The following CCDC30 variants were observed in gnomAD, a reference collection of about 807,000 sequenced individuals.
CCDC30 encodes the protein coiled-coil domain-containing protein 30.
CCDC30 carries 70 observed loss-of-function variants against 100.2 expected under a neutral mutation model. That is an observed-to-expected ratio of 0.70 (90% CI 0.58 to 0.85). CCDC30 has a LOEUF of 0.85. Ranked by LOEUF, CCDC30 falls within the 40% of genes least tolerant of loss-of-function variation. The pLI is 0.00. For synonymous variants in CCDC30, 233 were observed against 269.5 expected, an observed-to-expected ratio of 0.86 and a Z score of 1.33; for missense variants, 652 against 771.2, an observed-to-expected ratio of 0.85 and a Z score of 1.83.
chr1:42,494,830 G>A (rs1317065246), intron 4 of CCDC30, among the ~76,000 whole-genome samples: 1 of 100,452 alleles, frequency 1.0e-5, no homozygotes, highest in African/African-American at 3.8e-5. Flanking sequence ...CAGTTAGAAT[G>A]GCAATCATTA....
At chr1:42,595,119 A>G (rs1210595087) in intron 10 of CCDC30, 2 of 152,178 alleles carry the variant, frequency 1.3e-5, no homozygotes, top group Non-Finnish European at 2.9e-5. Flanking sequence ...CTTGCTATAA[A>G]GTGATTTTCT....
chr1:42,653,106 AAAG>A (rs1233743113), intron 15 of CCDC30, among the ~76,000 whole-genome samples: 2 of 152,184 alleles, frequency 1.3e-5, no homozygotes, highest in Non-Finnish European at 2.9e-5. Flanking sequence ...TTATATAACA[AAAG>A]AAGCAAGGTG....
intron 7 of CCDC30, among the ~76,000 whole-genome samples, chr1:42,575,163 A>T (rs377059274): frequency 1.3e-5 from 2 of 152,196 alleles, no homozygotes; most frequent in Non-Finnish European, 2.9e-5. Context: ...GAGACCAGGG[A>T]ATTCTATTTA....
At chr1:42,573,604 G>GC (rs1396915769) in intron 7 of CCDC30, among the ~76,000 whole-genome samples, 2 of 151,660 alleles carry the variant, frequency 1.3e-5, no homozygotes, top group Non-Finnish European at 2.9e-5. Context: ...CTGTTTACTG[G>GC]CTACCACAGT....
chr1:42,516,407 A>G (rs12042621), intron 6 of CCDC30, among the ~76,000 whole-genome samples: 57,609 of 151,414 alleles, frequency 0.38, 11,413 homozygotes, highest in East Asian at 0.59. Flanking sequence ...CTTCCTGTGG[A>G]GGTGAGTCTT....
At chr1:42,611,830 G>A (rs1332135930) in intron 11 of CCDC30, among the ~76,000 whole-genome samples, 1 of 151,978 alleles carries the variant, frequency 6.6e-6, no homozygotes, top group Admixed American at 6.6e-5. Context: ...TCATGTACAG[G>A]CTCACCCAGC....
At chr1:42,517,511 T>C (rs1192286552) in intron 6 of CCDC30, among the ~76,000 whole-genome samples, 2 of 152,208 alleles carry the variant, frequency 1.3e-5, no homozygotes, top group Non-Finnish European at 2.9e-5. Context: ...TCATGGAGAG[T>C]TCCCCCTAAG....
At chr1:42,616,961 A>G (rs1646737977) in intron 11 of CCDC30, among the ~76,000 whole-genome samples, 1 of 152,078 alleles carries the variant, frequency 6.6e-6, no homozygotes, top group African/African-American at 2.4e-5. Flanking sequence ...TGTGAATATT[A>G]GATAACAATG....
intron 9 of CCDC30, among the ~76,000 whole-genome samples, chr1:42,581,820 A>G (rs1645973651): frequency 6.6e-6 from 1 of 152,206 alleles, no homozygotes; most frequent in Non-Finnish European, 1.5e-5. Flanking sequence ...AATACTATGG[A>G]ATTTGCTCTG....
intron 6 of CCDC30, among the ~76,000 whole-genome samples, chr1:42,523,468 G>A (rs944538192): frequency 2.0e-5 from 3 of 152,060 alleles, no homozygotes; most frequent in Admixed American, 2.0e-4. Context: ...ATCTCATTGA[G>A]GATTCCTTGT....
intron 6 of CCDC30, chr1:42,510,205 ACT>A (rs937693101): frequency 1.4e-5 from 10 of 733,096 alleles, no homozygotes; most frequent in Non-Finnish European, 1.7e-5. Context: ...CTGTTTCTTT[ACT>A]CTCTCTATTT....
At chr1:42,637,946 A>G (rs1647191082) in intron 12 of CCDC30, among the ~76,000 whole-genome samples, 1 of 152,222 alleles carries the variant, frequency 6.6e-6, no homozygotes, top group Non-Finnish European at 1.5e-5. Flanking sequence ...CTAGGCCAGT[A>G]AGGTTTTCCC....
intron 11 of CCDC30, among the ~76,000 whole-genome samples, chr1:42,634,587 A>G (rs1191017345): frequency 6.6e-6 from 1 of 152,232 alleles, no homozygotes; most frequent in Non-Finnish European, 1.5e-5. Context: ...AGGTTTGGCT[A>G]GTGGTAGTAT....
chr1:42,511,865 A>C (rs992677404), intron 6 of CCDC30, among the ~76,000 whole-genome samples: 1 of 151,972 alleles, frequency 6.6e-6, no homozygotes, highest in Non-Finnish European at 1.5e-5. Flanking sequence ...TGGAGACCCT[A>C]ACCCAGCAGT....
At chr1:42,510,421 G>A (rs758208917) in intron 6 of CCDC30, among the ~76,000 whole-genome samples, 2 of 152,092 alleles carry the variant, frequency 1.3e-5, no homozygotes, top group Non-Finnish European at 2.9e-5. Context: ...CACTTTGGGG[G>A]GCCAAGGTGG....
intron 11 of CCDC30, among the ~76,000 whole-genome samples, chr1:42,625,771 T>C (rs1253864420): frequency 6.6e-6 from 1 of 152,142 alleles, no homozygotes. Context: ...TTTTGTGACC[T>C]GATGGTTTAT....
chr1:42,548,067 G>C (rs1304030877), intron 6 of CCDC30, among the ~76,000 whole-genome samples: 3 of 152,186 alleles, frequency 2.0e-5, no homozygotes, highest in Non-Finnish European at 4.4e-5. Flanking sequence ...AGCATGGTTT[G>C]TTTGAGGCCC....
At chr1:42,465,229 T>C (rs1450557544) in intron 1 of CCDC30, among the ~76,000 whole-genome samples, 1 of 152,224 alleles carries the variant, frequency 6.6e-6, no homozygotes, top group Admixed American at 6.5e-5. Flanking sequence ...GAGGATCACT[T>C]GATCCTGGGA....
chr1:42,460,333 A>G (rs527394053), upstream of CCDC30: 447 of 987,686 alleles, frequency 4.5e-4, no homozygotes, highest in South Asian at 7.4e-4. Flanking sequence ...AAGATGAATA[A>G]ACATATCTTG....
Sources: gnomAD v4.1 joint callset for allele counts (sites outside exome capture counted in the v4.1 genomes callset) on GRCh38, gnomAD v4.1.1 for gene constraint, MANE v1.5 for transcripts, NCBI Gene and HGNC (gene_info 2026-07-23, HGNC 2026-07-21) for gene names.